The following KCND2 variants were observed in gnomAD, a reference collection of about 807,000 sequenced individuals.
The protein encoded by KCND2 is potassium voltage-gated channel subfamily D member 2, also known as A-type voltage-gated potassium channel KCND2.
In KCND2, 16 loss-of-function variants were observed where a neutral mutation model predicts 54.4. That is an observed-to-expected ratio of 0.29 (90% CI 0.20 to 0.45). The LOEUF is 0.45. Ranked by LOEUF, KCND2 falls within the 20% of genes least tolerant of loss-of-function variation. KCND2 has a pLI of 1.00. For synonymous variants in KCND2, 317 were observed against 310.7 expected (o/e 1.02, Z -0.21); for missense variants, 486 against 824.2 (o/e 0.59, Z 5.02).
chr7:120,358,707 C>G (rs1800544856), intron 1 of KCND2, among the ~76,000 whole-genome samples: 1 of 152,078 alleles, frequency 6.6e-6, no homozygotes, highest in South Asian at 2.1e-4. Flanking sequence ...TTTGTTAAGG[C>G]TACCTTCAAA....
intron 1 of KCND2, among the ~76,000 whole-genome samples, chr7:120,717,427 T>A (rs548573826): frequency 6.6e-6 from 1 of 152,258 alleles, no homozygotes; most frequent in East Asian, 1.9e-4. Context: ...TTATGAATTG[T>A]TTACTTTTGG....
chr7:120,333,485 G>C (rs766512106), intron 1 of KCND2, among the ~76,000 whole-genome samples: 10 of 151,968 alleles, frequency 6.6e-5, no homozygotes. Context: ...AACTCCATTT[G>C]TTCAAAAACA....
At chr7:120,347,954 C>A (rs1443465462) in intron 1 of KCND2, among the ~76,000 whole-genome samples, 1 of 152,070 alleles carries the variant, frequency 6.6e-6, no homozygotes, top group East Asian at 1.9e-4. Flanking sequence ...CCTAGTGCAT[C>A]ATCACATGGT....
chr7:120,355,445 AC>A (rs1404724449), intron 1 of KCND2, among the ~76,000 whole-genome samples: 3 of 152,118 alleles, frequency 2.0e-5, no homozygotes, highest in Admixed American at 1.3e-4. Context: ...CACTCTGGAG[AC>A]TGAGGCAGGA....
At chr7:120,576,199 A>G (rs1792431558) in intron 1 of KCND2, among the ~76,000 whole-genome samples, 1 of 152,210 alleles carries the variant, frequency 6.6e-6, no homozygotes, top group Non-Finnish European at 1.5e-5. Flanking sequence ...ACAATATTTG[A>G]AAAATAATTT....
intron 1 of KCND2, among the ~76,000 whole-genome samples, chr7:120,604,598 T>C (rs1054400980): frequency 6.6e-6 from 1 of 151,092 alleles, no homozygotes; most frequent in Non-Finnish European, 1.5e-5. Context: ...GAGAATCCAA[T>C]TTAGATTCAG....
At chr7:120,316,386 T>A (rs1799812468) in intron 1 of KCND2, among the ~76,000 whole-genome samples, 1 of 152,226 alleles carries the variant, frequency 6.6e-6, no homozygotes, top group Admixed American at 6.5e-5. Context: ...TCAATTATTT[T>A]AACAAGGTCT....
At chr7:120,658,570 T>C (rs1284107495) in intron 1 of KCND2, among the ~76,000 whole-genome samples, 1 of 152,158 alleles carries the variant, frequency 6.6e-6, no homozygotes, top group African/African-American at 2.4e-5. Context: ...TTTCCACCAT[T>C]ACTGTTTTCC....
chr7:120,317,611 G>A (rs921956031), intron 1 of KCND2, among the ~76,000 whole-genome samples: 1 of 152,070 alleles, frequency 6.6e-6, no homozygotes, highest in Admixed American at 6.6e-5. Flanking sequence ...CAAAATTTAA[G>A]GATAGGTTTA....
Position 120,273,775 on chromosome 7 carries a change from C to T in KCND2, c.-858C>T, listed in dbSNP as rs1033212398. ...CGCGCACTTGGCCAGGTATGTACCG[C>T]GGGAGCGGCGCGTTCTGCGCGGAAG... On this transcript the variant is annotated 5_prime_UTR_variant, in exon 1 of 6. Coordinates refer to ENST00000331113, the MANE Select transcript of KCND2 (RefSeq NM_012281.3). 2 of 152,792 alleles carry T rather than the reference C, an allele frequency of 1.3e-5. No individual in the cohort carries two copies. The highest frequency in any genetic ancestry group is 2.9e-5 in the Non-Finnish European group (2 of 68,186). 9.5% of individuals were successfully genotyped at this position (152,792 alleles called of 1,614,324 possible).
chr7:120,719,097 GA>G (rs2116097673), intron 1 of KCND2, among the ~76,000 whole-genome samples: 1 of 152,218 alleles, frequency 6.6e-6, no homozygotes, highest in Non-Finnish European at 1.5e-5. Flanking sequence ...GAGGGAGAAA[GA>G]AGAAAGAAAA....
chr7:120,456,842 A>C (rs1802207619), intron 1 of KCND2, among the ~76,000 whole-genome samples: 1 of 152,124 alleles, frequency 6.6e-6, no homozygotes, highest in Non-Finnish European at 1.5e-5. Context: ...CTGCAACCTC[A>C]CATTTCCCTT....
At chr7:120,659,889 C>G (rs990900563) in intron 1 of KCND2, among the ~76,000 whole-genome samples, 1 of 152,120 alleles carries the variant, frequency 6.6e-6, no homozygotes, top group Non-Finnish European at 1.5e-5. Context: ...AGCAGACCCA[C>G]GTAGTTCAAA....
chr7:120,301,899 T>A (rs1429651324), intron 1 of KCND2, among the ~76,000 whole-genome samples: 2 of 152,170 alleles, frequency 1.3e-5, no homozygotes, highest in Non-Finnish European at 2.9e-5. Flanking sequence ...GAGGTAACCA[T>A]ATGATAACTT....
intron 1 of KCND2, among the ~76,000 whole-genome samples, chr7:120,669,192 A>G (rs1791962155): frequency 6.6e-6 from 1 of 152,042 alleles, no homozygotes; most frequent in Non-Finnish European, 1.5e-5. Flanking sequence ...TCATTATCTC[A>G]CATGTTTAAA....
At chr7:120,706,330 G>A (rs1792468169) in intron 1 of KCND2, among the ~76,000 whole-genome samples, 1 of 152,122 alleles carries the variant, frequency 6.6e-6, no homozygotes, top group Non-Finnish European at 1.5e-5. Flanking sequence ...GAATATCACA[G>A]ACTGGGTAAT....
intron 1 of KCND2, among the ~76,000 whole-genome samples, chr7:120,381,746 A>G (rs1279369719): frequency 6.6e-6 from 1 of 152,054 alleles, no homozygotes; most frequent in African/African-American, 2.4e-5. Flanking sequence ...TTTTGAGCAA[A>G]TGGGTTCTGT....
At chr7:120,348,260 G>A (rs1800354636) in intron 1 of KCND2, among the ~76,000 whole-genome samples, 1 of 152,128 alleles carries the variant, frequency 6.6e-6, no homozygotes, top group African/African-American at 2.4e-5. Flanking sequence ...TATTGTTATA[G>A]ATGAATCTGG....
intron 1 of KCND2, among the ~76,000 whole-genome samples, chr7:120,713,996 G>A (rs562452908): frequency 2.0e-4 from 30 of 152,198 alleles, no homozygotes; most frequent in Non-Finnish European, 1.3e-4. Context: ...TTCAAGAAGG[G>A]CTAATGAGTA....
Sources: gnomAD v4.1 joint callset for allele counts (sites outside exome capture counted in the v4.1 genomes callset) on GRCh38, gnomAD v4.1.1 for gene constraint, MANE v1.5 for transcripts, NCBI Gene and HGNC (gene_info 2026-07-23, HGNC 2026-07-21) for gene names.